The following LAMA3 variants were observed in gnomAD, a reference collection of about 807,000 sequenced individuals.
LAMA3 encodes laminin subunit alpha 3.
In LAMA3, 281 loss-of-function variants were observed where a neutral mutation model predicts 402.0. The observed-to-expected ratio is 0.70, with a 90% CI of 0.63 to 0.77. LAMA3 has a LOEUF of 0.77. Ranked by LOEUF, LAMA3 falls within the 30% of genes least tolerant of loss-of-function variation. The pLI, the probability that LAMA3 is intolerant of heterozygous loss-of-function variation, is 0.00. For missense variants in LAMA3, 3,840 were observed against 4,215.5 expected, an observed-to-expected ratio of 0.91 and a Z score of 2.47; for synonymous variants, 1,431 against 1,558.4, an observed-to-expected ratio of 0.92 and a Z score of 1.93.
At chr18:23,708,077 T>G (rs1307837687) in intron 1 of LAMA3, among the ~76,000 whole-genome samples, 1 of 152,244 alleles carries the variant, frequency 6.6e-6, no homozygotes, top group African/African-American at 2.4e-5. Context: ...TTACTTCATC[T>G]GAAGTTGAAT....
intron 2 of LAMA3, among the ~76,000 whole-genome samples, chr18:23,726,511 C>T (rs944552179): frequency 6.6e-6 from 1 of 152,154 alleles, no homozygotes; most frequent in Non-Finnish European, 1.5e-5. Flanking sequence ...CCTGAAGGTG[C>T]CTGGTATTTA....
intron 57 of LAMA3, 65 bp from the exon 58 acceptor site, chr18:23,914,633 G>C: frequency 6.2e-7 from 1 of 1,603,678 alleles, no homozygotes; most frequent in Non-Finnish European, 8.5e-7. Context: ...CCCATTTTTA[G>C]TGGCTTGGCT....
At chr18:23,859,555 C>T (rs1363890643) in intron 34 of LAMA3, among the ~76,000 whole-genome samples, 1 of 152,172 alleles carries the variant, frequency 6.6e-6, no homozygotes, top group Non-Finnish European at 1.5e-5. Flanking sequence ...GACACACTTT[C>T]CTTCCTATTG....
chr18:23,859,329 G>A lies in LAMA3; in HGVS notation c.4422+500G>A, dbSNP rs116823151. On this transcript the variant is annotated intron_variant, in intron 34 of 74. Coordinates refer to ENST00000313654, the MANE Select transcript of LAMA3 (RefSeq NM_198129.4). ...CTCTGATTCTCCCAGACACTCCGGG[G>A]TGTCCTGCAATTCAATTCACTTCTG... 3.4e-3 allele frequency among the ~76,000 whole-genome samples: 513 copies of A among 152,282 alleles called. 1 individual carries two copies. The highest frequency in any genetic ancestry group is 0.012 in the African/African-American group (484 of 41,554).
intron 36 of LAMA3, among the ~76,000 whole-genome samples, chr18:23,865,483 A>T (rs1458715761): frequency 6.6e-6 from 1 of 152,120 alleles, no homozygotes; most frequent in Non-Finnish European, 1.5e-5. Flanking sequence ...TTGTTTCATA[A>T]ATGTCTTTGA....
At chr18:23,874,677 T>C (rs111938884) in intron 38 of LAMA3, among the ~76,000 whole-genome samples, 1 of 152,230 alleles carries the variant, frequency 6.6e-6, no homozygotes, top group Admixed American at 6.5e-5. Context: ...TTTATGGCCA[T>C]GAGTGAATAA....
chr18:23,800,036 C>T (rs2062839799), intron 12 of LAMA3, among the ~76,000 whole-genome samples: 1 of 152,222 alleles, frequency 6.6e-6, no homozygotes, highest in Non-Finnish European at 1.5e-5. Flanking sequence ...AACACCTTCA[C>T]AGTGACATTT....
intron 22 of LAMA3, 55 bp from the exon 23 acceptor site, chr18:23,827,259 C>T (rs2063401286): frequency 2.5e-6 from 4 of 1,572,324 alleles, no homozygotes; most frequent in East Asian, 2.2e-5. Flanking sequence ...TTTGATATTC[C>T]GTTTGATGTT....
intron 55 of LAMA3, among the ~76,000 whole-genome samples, chr18:23,912,064 AT>A (rs1306327748): frequency 1.4e-5 from 2 of 145,932 alleles, no homozygotes; most frequent in African/African-American, 5.0e-5. Flanking sequence ...TTATAAAAAT[AT>A]ATTTTATATA....
intron 55 of LAMA3, among the ~76,000 whole-genome samples, chr18:23,909,736 A>G (rs2081369966): frequency 6.6e-6 from 1 of 152,232 alleles, no homozygotes; most frequent in South Asian, 2.1e-4. Context: ...TCATTGGAGT[A>G]CTGATTCACC....
intron 70 of LAMA3, 111 bp from the exon 71 acceptor site, chr18:23,949,654 C>T: frequency 9.8e-7 from 1 of 1,021,304 alleles, no homozygotes; most frequent in Non-Finnish European, 1.5e-6. Flanking sequence ...AGAATGAATC[C>T]CTACCTACCT....
At chr18:23,788,453 A>C (rs1022818748) in intron 12 of LAMA3, among the ~76,000 whole-genome samples, 4 of 151,998 alleles carry the variant, frequency 2.6e-5, no homozygotes, top group African/African-American at 9.7e-5. Flanking sequence ...ATTACACTAG[A>C]AAATATCTAA....
intron 1 of LAMA3, among the ~76,000 whole-genome samples, chr18:23,702,847 T>C (rs760059433): frequency 3.7e-4 from 56 of 152,212 alleles, no homozygotes; most frequent in Non-Finnish European, 7.5e-4. Context: ...AATTCTCAGG[T>C]TCTATCTTGG....
intron 64 of LAMA3, among the ~76,000 whole-genome samples, chr18:23,929,002 C>T (rs754582478): frequency 3.9e-5 from 6 of 152,144 alleles, no homozygotes; most frequent in Admixed American, 1.3e-4. Flanking sequence ...TGTGTACTCG[C>T]GGACTCATTT....
intron 1 of LAMA3, among the ~76,000 whole-genome samples, chr18:23,712,038 A>T (rs2060999564): frequency 6.6e-6 from 1 of 152,206 alleles, no homozygotes; most frequent in Admixed American, 6.5e-5. Context: ...AGAAATAAAG[A>T]TCATAGAAGG....
At chr18:23,906,944 A>G (rs1376810139) in intron 52 of LAMA3, among the ~76,000 whole-genome samples, 1 of 152,238 alleles carries the variant, frequency 6.6e-6, no homozygotes, top group African/African-American at 2.4e-5. Context: ...TGGCAATATT[A>G]TCAGCTAGGA....
At chr18:23,899,611 C>G in intron 47 of LAMA3, 156 bp downstream of exon 47, 1 of 719,298 alleles carries the variant, frequency 1.4e-6, no homozygotes, top group Non-Finnish European at 2.4e-6. Flanking sequence ...ATTGGTAGCC[C>G]CCAGGAGTCC....
chr18:23,779,793 G>C (rs1364196661), intron 11 of LAMA3, among the ~76,000 whole-genome samples: 1 of 151,588 alleles, frequency 6.6e-6, no homozygotes, highest in Non-Finnish European at 1.5e-5. Flanking sequence ...GGGATTGCTG[G>C]GTGGCACCAA....
chr18:23,933,406 A>G (rs577922814), intron 66 of LAMA3, among the ~76,000 whole-genome samples: 1 of 152,352 alleles, frequency 6.6e-6, no homozygotes, highest in African/African-American at 2.4e-5. Context: ...TCATGGATAC[A>G]TAACAGTTGT....
Sources: allele counts gnomAD v4.1 joint callset (sites outside exome capture counted in the v4.1 genomes callset), GRCh38; gene constraint gnomAD v4.1.1; transcripts MANE v1.5; gene names NCBI Gene and HGNC (gene_info 2026-07-23, HGNC 2026-07-21).